Variants in DCHS2 observed in about 807,000 individuals in gnomAD.
DCHS2 encodes protocadherin-23.
Under a neutral mutation model 182.4 loss-of-function variants are expected in DCHS2, and 142 were observed. The ratio of observed to expected loss-of-function variants is 0.78; its 90% CI spans 0.68 to 0.89. The LOEUF is 0.89. DCHS2 is among the 40% of genes least tolerant of loss of function. The pLI, the probability that DCHS2 is intolerant of heterozygous loss-of-function variation, is 0.00. For missense variants in DCHS2, 4,319 were observed against 4,198.6 expected (o/e 1.03, Z -0.79); for synonymous variants, 1,740 against 1,663.3 (o/e 1.05, Z -1.12).
intron 8 of DCHS2, 101 bp downstream of exon 8, chr4:154,322,230 C>CAT: frequency 3.5e-6 from 5 of 1,436,998 alleles, no homozygotes; most frequent in Non-Finnish European, 4.8e-6. Flanking sequence ...CATACATATT[C>CAT]ATATACATAC....
chr4:154,239,096 T>G (rs1004166120), intron 19 of DCHS2, 74 bp downstream of exon 19: 1 of 1,534,918 alleles, frequency 6.5e-7, no homozygotes. Context: ...ATAGAGGCAT[T>G]TAGAAAGGGT....
intron 18 of DCHS2, 139 bp downstream of exon 18, chr4:154,240,398 A>C (rs1731750375): frequency 9.8e-7 from 1 of 1,022,922 alleles, no homozygotes; most frequent in Non-Finnish European, 1.4e-6. Flanking sequence ...ATTAAGTGTA[A>C]AACCCGCAGC....
chr4:154,277,868 C>G (rs1478312986), intron 13 of DCHS2, among the ~76,000 whole-genome samples: 3 of 151,890 alleles, frequency 2.0e-5, no homozygotes, highest in African/African-American at 7.2e-5. Context: ...TGGTGTAACC[C>G]TGTCTCTACC....
At chr4:154,414,196 TAG>T (rs1187277273) in intron 1 of DCHS2, among the ~76,000 whole-genome samples, 2 of 145,668 alleles carry the variant, frequency 1.4e-5, no homozygotes, top group African/African-American at 5.1e-5. Context: ...TATATATATA[TAG>T]AGAGAGAGAG....
intron 12 of DCHS2, among the ~76,000 whole-genome samples, chr4:154,301,751 C>A (rs1275551685): frequency 6.6e-6 from 1 of 152,162 alleles, no homozygotes; most frequent in Non-Finnish European, 1.5e-5. Flanking sequence ...GATCTGCCCA[C>A]CTTGGCATCC....
intron 1 of DCHS2, among the ~76,000 whole-genome samples, chr4:154,486,011 T>C (rs1334712004): frequency 1.3e-5 from 2 of 152,176 alleles, no homozygotes; most frequent in Non-Finnish European, 2.9e-5. Context: ...GAATTCCCTC[T>C]CTGTCTTGAC....
chr4:154,472,304 G>C (rs1171057011), intron 1 of DCHS2, among the ~76,000 whole-genome samples: 1 of 152,148 alleles, frequency 6.6e-6, no homozygotes, highest in Non-Finnish European at 1.5e-5. Context: ...AGTAATCTTG[G>C]TTCCAATTGT....
chr4:154,392,703 C>A (rs1473617674), intron 1 of DCHS2, among the ~76,000 whole-genome samples: 1 of 152,156 alleles, frequency 6.6e-6, no homozygotes, highest in African/African-American at 2.4e-5. Context: ...GTTTTGTATA[C>A]CAGCTCCCAA....
chr4:154,420,246 CAGATAGAT>C (rs35709774), intron 1 of DCHS2, among the ~76,000 whole-genome samples: 3,974 of 144,710 alleles, frequency 0.027, 63 homozygotes, highest in African/African-American at 0.04. Context: ...GACAGACAGA[CAGATAGAT>C]AGATAGATAG....
intron 13 of DCHS2, among the ~76,000 whole-genome samples, chr4:154,282,135 A>G (rs950998076): frequency 1.3e-5 from 2 of 152,132 alleles, no homozygotes; most frequent in South Asian, 2.1e-4. Flanking sequence ...TTCTTTGGAT[A>G]TAAGACCAAA....
At chr4:154,435,256 C>A (rs956707864) in intron 1 of DCHS2, among the ~76,000 whole-genome samples, 2 of 152,186 alleles carry the variant, frequency 1.3e-5, no homozygotes, top group Non-Finnish European at 1.5e-5. Context: ...GATTGATCAG[C>A]AAATTCTCAG....
intron 13 of DCHS2, among the ~76,000 whole-genome samples, chr4:154,278,494 GAA>G (rs928629473): frequency 1.3e-5 from 2 of 151,616 alleles, no homozygotes; most frequent in Admixed American, 1.3e-4. Flanking sequence ...AAATCTGAGG[GAA>G]AAAATAGACA....
At position 154,332,880 on chromosome 4, in the gene DCHS2, G is replaced by C. The variant is rs755774859; in HGVS notation, c.3328C>G (p.Pro1110Ala). 6.2e-7 allele frequency: 1 copy of C among 1,614,224 alleles called. No homozygotes were observed. The highest frequency in any genetic ancestry group is 1.1e-5 in the South Asian group (1 of 91,082). Residue 1110 changes from proline (P) to alanine (A), a missense_variant, in exon 5 of 20, where the codon CCA becomes GCA. Transcript: ENST00000357232. ...GAGGCTGCACGCTGGGGGCCAAGTG[G>C]GTGCGCCTGTGTTTGCAGCATTTGT... ...MTQMLQTQAH[P>A]LGPQRAASPL...
Position 154,491,250 on chromosome 4 carries a change from A to T in DCHS2, c.106T>A (p.Ser36Thr). 1 of 1,551,200 alleles carries T rather than the reference A, an allele frequency of 6.4e-7. No individual in the cohort carries two copies. Among genetic ancestry groups the T allele is most frequent in the Non-Finnish European group, 8.7e-7 (1 of 1,146,938 alleles). ...PGRRDTPHGR[S>T]GSSGARTQRS... The stretch of plus-strand genomic sequence containing the variant: ...TGCGTCCTGGCGCCGCTGCTGCCTG[A>T]CCGCCCATGGGGTGTATCTCTCCTC... Residue 36 changes from serine (S) to threonine (T), a missense_variant, in exon 1 of 20, where the codon TCA (serine) becomes ACA (threonine). By Grantham distance (58) the Ser-to-Thr change is moderately conservative (BLOSUM62 1). Transcript: ENST00000357232.
Position 154,333,433 on chromosome 4 carries a change from A to G in DCHS2, c.2775T>C (p.Ile925=), listed in dbSNP as rs1206738983. 2 of 1,614,098 alleles carry G rather than the reference A, an allele frequency of 1.2e-6. No individual in the cohort carries two copies. Among genetic ancestry groups the G allele is most frequent in the Admixed American group, 3.3e-5 (2 of 60,022 alleles). ...SSGDLGGKFS[I]HPRLGTIRTR... The stretch of plus-strand genomic sequence containing the variant: ...TGCGAATAGTGCCCAGCCGCGGGTG[A>G]ATGGAGAACTTTCCGCCGAGATCAC... Residue 925 remains isoleucine (I), a synonymous_variant, in exon 5 of 20, where the codon ATT becomes ATC. Transcript: ENST00000357232.
Position 154,235,765 on chromosome 4 carries a change from G to A in DCHS2, c.8887C>T (p.Pro2963Ser), listed in dbSNP as rs866963796. The change falls in exon 20 of 20, where the codon CCC (proline) becomes TCC (serine). Residue 2963 changes from proline to serine, a missense_variant. Pro to Ser is a moderately conservative substitution (Grantham distance 74, BLOSUM62 -1). Coordinates refer to ENST00000357232, the MANE Select transcript of DCHS2 (RefSeq NM_001358235.2). ...TLEMKIIAHS[P>S]KSDSKFASCT... is the part of the protein sequence containing the mutation. ...GATGCAAACTTGGAATCTGATTTGG[G>A]ACTATGAGCGATTATTTTCATTTCC... is the stretch of plus-strand genomic sequence containing the variant. 6.2e-7 allele frequency: 1 copy of A among 1,613,894 alleles called. No homozygotes were observed. Among genetic ancestry groups the A allele is most frequent in the Non-Finnish European group, 8.5e-7 (1 of 1,179,870 alleles).
intron 1 of DCHS2, among the ~76,000 whole-genome samples, chr4:154,380,401 A>G (rs1731116109): frequency 6.6e-6 from 1 of 152,130 alleles, no homozygotes. Context: ...CATTTGGTCT[A>G]TTCTATTCTG....
intron 12 of DCHS2, among the ~76,000 whole-genome samples, chr4:154,302,996 T>TGAGACAAAGTCTCAC (rs1735282263): frequency 6.7e-6 from 1 of 148,818 alleles, no homozygotes; most frequent in African/African-American, 2.5e-5. Flanking sequence ...TTTTTTTTTT[T>TGAGACAAAGTCTCAC]TTGAGACAAA....
chr4:154,490,787 A>C lies in DCHS2; in HGVS notation c.569T>G (p.Val190Gly), dbSNP rs17373874. 701,074 of 1,551,316 alleles carry C rather than the reference A, an allele frequency of 0.45. 160,725 individuals are homozygous for C. The highest frequency in any genetic ancestry group is 0.5 in the African/African-American group (36,677 of 73,110). ...SPPGTAFRLP[V>G]AHDPDAGLFS... ...CAGTCCGGCGTCCGGATCGTGGGCAACTGGCAGGCGGAAGGCGGTCCCTGG... is the reference window on the plus strand; with the variant it reads ...CAGTCCGGCGTCCGGATCGTGGGCACCTGGCAGGCGGAAGGCGGTCCCTGG... Residue 190 changes from valine (V) to glycine (G), a missense_variant, in exon 1 of 20, where the codon GTT (valine) becomes GGT (glycine). Val to Gly is a moderately radical substitution (Grantham distance 109). Transcript: ENST00000357232.
Sources: gnomAD v4.1 joint callset for allele counts (sites outside exome capture counted in the v4.1 genomes callset) on GRCh38, gnomAD v4.1.1 for gene constraint, MANE v1.5 for transcripts, NCBI Gene and HGNC (gene_info 2026-07-23, HGNC 2026-07-21) for gene names.